The following PHETA1 variants were observed in gnomAD, a reference collection of about 807,000 sequenced individuals.
The protein encoded by PHETA1 is sesquipedalian-1.
For missense variants in PHETA1, 348 were observed against 373.5 expected (o/e 0.93, Z 0.56); for synonymous variants, 155 against 168.9 (o/e 0.92, Z 0.64).
In PHETA1 at chr12:111,362,687, G is replaced by C. The variant is rs1304025195; in HGVS notation, c.741C>G (p.Val247=). 2 of 1,548,984 alleles carry C rather than the reference G, an allele frequency of 1.3e-6. No individual in the cohort carries two copies. The highest frequency in any genetic ancestry group is 2.0e-5 in the Admixed American group (1 of 50,982). ...AGGCGCCCTGGTGGCCTCAGGGCTG[G>C]ACCCGGCTGCTGAGCCACTGGCCAC... ...ALRGQWLSSR[V]QP Residue 247 remains valine, a synonymous_variant, in exon 3 of 3, where the codon GTC becomes GTG. Coordinates refer to ENST00000683047, the MANE Select transcript of PHETA1 (RefSeq NM_144671.6).
chr12:111,362,953 C>G lies in PHETA1; in HGVS notation c.475G>C (p.Val159Leu). The G allele has an allele frequency of 6.9e-7, 1 of 1,458,180 alleles. No homozygotes were observed. 90.3% of individuals were successfully genotyped at this position (1,458,180 alleles called of 1,614,324 possible). The change falls in exon 3 of 3, where the codon GTC becomes CTC. Residue 159 changes from valine to leucine, a missense_variant. Val to Leu is a conservative substitution (Grantham distance 32, BLOSUM62 1). Coordinates refer to ENST00000683047, the MANE Select transcript of PHETA1 (RefSeq NM_144671.6). ...GCTGGGGCAGAAGGCAGGGATGGGA[C>G]TGGGGCCAGGGCAGAGGGCAGGGAC... is the stretch of plus-strand genomic sequence containing the variant. ...PPSLPSALAP[V>L]PSLPSAPAPV...
intron 2 of PHETA1, among the ~76,000 whole-genome samples, chr12:111,365,830 G>A (rs996855602): frequency 2.6e-5 from 4 of 152,110 alleles, no homozygotes; most frequent in African/African-American, 4.8e-5. Context: ...CATGGCACAC[G>A]TATACCTATG....
At position 111,362,731 on chromosome 12, in the gene PHETA1, G is replaced by A. The variant is rs1473206506; in HGVS notation, c.697C>T (p.Gln233Ter). The A allele has an allele frequency of 6.5e-7, 1 of 1,546,194 alleles. No individual in the cohort carries two copies. Among genetic ancestry groups the A allele is most frequent in the Non-Finnish European group, 8.7e-7 (1 of 1,146,354 alleles). Reference protein sequence around the residue: ...PFARLHECYGQEIRALRGQWL... With the variant: ...PFARLHECYG ...TGGCCACGCAGGGCCCGGATCTCCTGGCCATAGCACTCGTGCAGCCGGGCG... is the reference window on the plus strand; with the variant it reads ...TGGCCACGCAGGGCCCGGATCTCCTAGCCATAGCACTCGTGCAGCCGGGCG... Residue 233 changes from glutamine to a stop codon, truncating the protein, a stop_gained, in exon 3 of 3, where the codon CAG becomes TAG. Coordinates refer to ENST00000683047, the MANE Select transcript of PHETA1 (RefSeq NM_144671.6). LOFTEE classifies it high-confidence loss of function.
At chr12:111,364,091 G>A (rs1057390355) in intron 2 of PHETA1, among the ~76,000 whole-genome samples, 1 of 152,192 alleles carries the variant, frequency 6.6e-6, no homozygotes, top group African/African-American at 2.4e-5. Context: ...CATCTACTGG[G>A]TGCCAGGCAT....
At chr12:111,366,006 G>C (rs1349690178) in intron 2 of PHETA1, 107 bp downstream of exon 2, 1 of 169,326 alleles carries the variant, frequency 5.9e-6, no homozygotes, top group African/African-American at 2.4e-5. Context: ...TCTCTAAGCC[G>C]CAGGGATTCA....
chr12:111,363,799 C>G lies in PHETA1; in HGVS notation c.-36-336G>C. 1 of 1,286,086 alleles carries G rather than the reference C, an allele frequency of 7.8e-7. No homozygotes were observed. The highest frequency in any genetic ancestry group is 1.0e-6 in the Non-Finnish European group (1 of 975,590). 79.7% of individuals were successfully genotyped at this position (1,286,086 alleles called of 1,614,324 possible). On this transcript the variant is annotated intron_variant, in intron 2 of 2. Coordinates refer to ENST00000683047, the MANE Select transcript of PHETA1 (RefSeq NM_144671.6). The surrounding 1 kb of genome is among the most constrained non-coding windows in gnomAD (Gnocchi z 7.4). ...CCTTAGGTCACAGGGACTGGCCTGGCACCAGTGCAACAGATGAGGAAACAG... is the reference window on the plus strand; with the variant it reads ...CCTTAGGTCACAGGGACTGGCCTGGGACCAGTGCAACAGATGAGGAAACAG...
rs1291205626 is a variant in PHETA1, at chr12:111,362,048, G to T, written c.*630C>A. 8.8e-6 allele frequency: 4 copies of T among 454,900 alleles called. No individual in the cohort carries two copies. The East Asian group carries it at 2.1e-4, about 24-fold the overall frequency. 28.2% of individuals were successfully genotyped at this position (454,900 alleles called of 1,614,324 possible). On this transcript the variant is annotated 3_prime_UTR_variant, in exon 3 of 3. Transcript: ENST00000683047. ...TCCTGCCTCAGCCAGCCCAGGCCAGGAGCCCCGAGGACCAGGCCACCTCAC... is the reference window on the plus strand; with the variant it reads ...TCCTGCCTCAGCCAGCCCAGGCCAGTAGCCCCGAGGACCAGGCCACCTCAC...
At chr12:111,364,337 A>ACTC (rs1471228522) in intron 2 of PHETA1, among the ~76,000 whole-genome samples, 1 of 142,016 alleles carries the variant, frequency 7.0e-6, no homozygotes, top group Non-Finnish European at 1.5e-5. Flanking sequence ...ATAATGTGAC[A>ACTC]CTCTGTCTCA....
chr12:111,362,290 C>T lies in PHETA1; in HGVS notation c.*388G>A. The stretch of plus-strand genomic sequence containing the variant: ...CTGCACTAACTGTGCATTTGCTTTT[C>T]AGGCCACAGATCGCCCTCAGTCCCA... On this transcript the variant is annotated 3_prime_UTR_variant, in exon 3 of 3. Coordinates refer to ENST00000683047, the MANE Select transcript of PHETA1 (RefSeq NM_144671.6). 2.4e-6 allele frequency: 1 copy of T among 419,668 alleles called. No homozygotes were observed. Among genetic ancestry groups the T allele is most frequent in the Non-Finnish European group, 4.5e-6 (1 of 222,330 alleles). The allele number at this position is 419,668 out of a possible 1,614,324, so 26.0% of individuals were successfully genotyped here. A position where few individuals can be genotyped will look rare whatever the true frequency, so the allele number is the denominator to read the frequency against.
chr12:111,365,878 TTAAAA>T (rs1246470071), intron 2 of PHETA1, among the ~76,000 whole-genome samples: 6 of 152,096 alleles, frequency 3.9e-5, no homozygotes, highest in Admixed American at 1.3e-4. Context: ...ATCATGGAAC[TTAAAA>T]TAAAAAAAGA....
intron 2 of PHETA1, among the ~76,000 whole-genome samples, chr12:111,364,522 C>A (rs1336521361): frequency 6.6e-6 from 1 of 152,008 alleles, no homozygotes; most frequent in Admixed American, 6.6e-5. Context: ...GTAATCCCAG[C>A]ACTTTGGAAG....
At position 111,363,065 on chromosome 12, in the gene PHETA1, G is replaced by C; in HGVS notation, c.363C>G (p.Arg121=). 1 of 1,573,604 alleles carries C rather than the reference G, an allele frequency of 6.4e-7. No individual in the cohort carries two copies. The highest frequency in any genetic ancestry group is 8.6e-7 in the Non-Finnish European group (1 of 1,164,210). The change falls in exon 3 of 3, where the codon CGC becomes CGG. Residue 121 remains arginine, a synonymous_variant. Transcript: ENST00000683047. The surrounding 1 kb of genome is among the most constrained non-coding windows in gnomAD (Gnocchi z 7.4). ...CAGCCGCCAGCTGCTGCTCCAGCTC[G>C]CGCACCACCAGCCGCAGGTAGTCGA... ...ASFDYLRLVV[R]ELEQQLAAVR...
chr12:111,366,947 A>G (rs186406743), intron 1 of PHETA1, among the ~76,000 whole-genome samples: 1 of 151,070 alleles, frequency 6.6e-6, no homozygotes, highest in East Asian at 2.0e-4. Flanking sequence ...ACAAGCCTCT[A>G]GTCCTAGCTA....
rs776208690 is a variant in PHETA1 at position 111,363,296 on chromosome 12, G to A, written c.132C>T (p.Asn44=). The change falls in exon 3 of 3, where the codon AAC becomes AAT. Residue 44 remains asparagine (N), a synonymous_variant. Coordinates refer to ENST00000683047, the MANE Select transcript of PHETA1 (RefSeq NM_144671.6). The surrounding 1 kb of genome is among the most constrained non-coding windows in gnomAD (Gnocchi z 7.4). Reference sequence around the variant, plus strand: ...CAGCGTCCTCGAAGTAGAAGAGCATGTTCCCGCGCAGCACGAACCAGCGCC... The same window carrying A: ...CAGCGTCCTCGAAGTAGAAGAGCATATTCCCGCGCAGCACGAACCAGCGCC... ...YHRRWFVLRG[N]MLFYFEDAAS... 1 of 1,613,070 alleles carries A rather than the reference G, an allele frequency of 6.2e-7. No individual in the cohort carries two copies. Among genetic ancestry groups the A allele is most frequent in the Non-Finnish European group, 8.5e-7 (1 of 1,179,950 alleles).
intron 2 of PHETA1, chr12:111,365,511 C>T (rs910406520): frequency 4.2e-5 from 19 of 455,954 alleles, no homozygotes; most frequent in Non-Finnish European, 8.4e-5. Context: ...GATCAACCAA[C>T]CCAAATGCCC....
rs1868831527 is a variant in PHETA1 at position 111,363,445 on chromosome 12, C to T, written c.-18G>A. The stretch of plus-strand genomic sequence containing the variant: ...AGCTTCATGGTGGCAATCGCGGGGC[C>T]TGGAGGGGAGCCTGGGGCCTGGACC... On this transcript the variant is annotated 5_prime_UTR_variant, in exon 3 of 3. Coordinates refer to ENST00000683047, the MANE Select transcript of PHETA1 (RefSeq NM_144671.6). This position sits in a 1 kb window ranked among gnomAD's most constrained non-coding sequence, Gnocchi z 7.4. The T allele has an allele frequency of 6.2e-7, 1 of 1,602,870 alleles. No homozygotes were observed.
At position 111,362,079 on chromosome 12, in the gene PHETA1, C is replaced by T. The variant is rs369363728; in HGVS notation, c.*599G>A. 2.7e-5 allele frequency: 12 copies of T among 449,228 alleles called. No homozygotes were observed. The highest frequency in any genetic ancestry group is 6.0e-5 in the African/African-American group (3 of 50,042). 27.8% of individuals were successfully genotyped at this position (449,228 alleles called of 1,614,324 possible). ...CGAGGACCAGGCCACCTCACCCTTC[C>T]GGTCCTGCACTAACACCTGCACCTG... On this transcript the variant is annotated 3_prime_UTR_variant, in exon 3 of 3. Coordinates refer to ENST00000683047, the MANE Select transcript of PHETA1 (RefSeq NM_144671.6).
rs75090568 is a variant in PHETA1, at chr12:111,367,372, G to T, written c.-181-1115C>A. On this transcript the variant is annotated intron_variant, in intron 1 of 2. Transcript: ENST00000683047. This position sits in a 1 kb window ranked among gnomAD's most constrained non-coding sequence, Gnocchi z 4.0. ...TTTGTGGTCTGAATTCTAGTGCCTG[G>T]CATGCAGTAGGTACTCACACAGCTG... Among the ~76,000 whole-genome samples, 3,210 of 152,232 alleles carry T rather than the reference G, an allele frequency of 0.021. 116 individuals are homozygous for T. The highest frequency in any genetic ancestry group is 0.074 in the African/African-American group (3,078 of 41,496).
In PHETA1 at chr12:111,363,529, G is replaced by A. The variant is rs1222580501; in HGVS notation, c.-36-66C>T. 5.9e-6 allele frequency: 9 copies of A among 1,535,332 alleles called. No homozygotes were observed. Among genetic ancestry groups the A allele is most frequent in the East Asian group, 4.8e-5 (2 of 41,590 alleles). On this transcript the variant is annotated intron_variant, in intron 2 of 2. Transcript: ENST00000683047. This position sits in a 1 kb window ranked among gnomAD's most constrained non-coding sequence, Gnocchi z 7.4. Reference sequence around the variant, plus strand: ...CGCTAGGTCACCCAGTGCCCCAAGGGGACCTTGCAGCCACTCTACATCCCC... The same window carrying A: ...CGCTAGGTCACCCAGTGCCCCAAGGAGACCTTGCAGCCACTCTACATCCCC...
Sources: gnomAD v4.1 joint callset for allele counts (sites outside exome capture counted in the v4.1 genomes callset) on GRCh38, gnomAD v4.1.1 for gene constraint, Gnocchi (gnomAD v3.1) non-coding constraint, MANE v1.5 for transcripts, NCBI Gene and HGNC (gene_info 2026-07-23, HGNC 2026-07-21) for gene names.